LMBR1L: variants seen among roughly 807,000 people sequenced by gnomAD.
LMBR1L encodes the protein limb development membrane protein 1 like, also known as protein LMBR1L.
Under a neutral mutation model 67.3 loss-of-function variants are expected in LMBR1L, and 47 were observed. The observed-to-expected ratio is 0.70, with a 90% confidence interval of 0.55 to 0.89. LMBR1L has a LOEUF of 0.89. LMBR1L is among the 40% of genes least tolerant of loss of function. LMBR1L has a pLI of 0.00. For synonymous variants in LMBR1L, 247 were observed against 250.3 expected, an observed-to-expected ratio of 0.99 and a Z score of 0.13; for missense variants, 533 against 599.2, an observed-to-expected ratio of 0.89 and a Z score of 1.15.
chr12:49,106,377 G>C, intron 2 of LMBR1L: 1 of 373,094 alleles, frequency 2.7e-6, no homozygotes, highest in Non-Finnish European at 5.2e-6. Context: ...CTCTTGGGTA[G>C]CTGCCTTGTT....
At position 49,103,263 on chromosome 12, in the gene LMBR1L, TA is replaced by T. The variant is rs1463821427; in HGVS notation, c.563-105del. 1.4e-5 allele frequency: 13 copies of T among 932,222 alleles called. 1 individual carries two copies. Among genetic ancestry groups the T allele is most frequent in the Middle Eastern group, 2.3e-4 (1 of 4,306 alleles). The allele number at this position is 932,222 out of a possible 1,614,324, so 57.7% of individuals were successfully genotyped here. The stretch of plus-strand genomic sequence containing the variant: ...ACAAGGGCACAGTCCCCACAGGGGT[TA>T]GGCAATTAATACAAATGAAGAAAGC... On this transcript the variant is annotated intron_variant, in intron 6 of 16. Transcript: ENST00000267102.
Position 49,104,481 on chromosome 12 carries a change from G to GAAGAAAT in LMBR1L, c.395_401dup (p.Phe134LeufsTer5). ...AGCCAGCAAAGCCCTCAGACTCAGT[G>GAAGAAAT]AAGAAATATGCAAAGGGCATGAGGA... On this transcript the variant is annotated frameshift_variant, in exon 5 of 17. Coordinates refer to ENST00000267102, the MANE Select transcript of LMBR1L (RefSeq NM_018113.4). LOFTEE classifies it high-confidence loss of function. 1 of 1,613,956 alleles carries GAAGAAAT rather than the reference G, an allele frequency of 6.2e-7. No homozygotes were observed. Among genetic ancestry groups the GAAGAAAT allele is most frequent in the Non-Finnish European group, 8.5e-7 (1 of 1,179,834 alleles).
chr12:49,100,266 G>T, intron 15 of LMBR1L, 122 bp downstream of exon 15: 1 of 806,752 alleles, frequency 1.2e-6, no homozygotes, highest in Non-Finnish European at 2.2e-6. Flanking sequence ...GTATAATGCG[G>T]ATAATACCTA....
intron 3 of LMBR1L, among the ~76,000 whole-genome samples, chr12:49,105,406 G>A (rs917162397): frequency 6.6e-6 from 1 of 152,160 alleles, no homozygotes; most frequent in Non-Finnish European, 1.5e-5. Flanking sequence ...TATTGAAGAT[G>A]GGCACTTCTA....
rs368933010 is a variant in LMBR1L at position 49,106,909 on chromosome 12, G to A, written c.157+52C>T. The A allele has an allele frequency of 5.1e-6, 7 of 1,378,758 alleles. No homozygotes were observed. In the African/African-American group the frequency reaches 7.1e-5, roughly 14 times the overall value. 85.4% of individuals were successfully genotyped at this position (1,378,758 alleles called of 1,614,324 possible). A position where few individuals can be genotyped will look rare whatever the true frequency, so the allele number is the denominator to read the frequency against. ...GGGTACCATAGGCCCATTCCCCTGA[G>A]GCTGGTCCATGGCAACAGGGACTCT... is the stretch of plus-strand genomic sequence containing the variant. On this transcript the variant is annotated intron_variant, in intron 2 of 16. Coordinates refer to ENST00000267102, the MANE Select transcript of LMBR1L (RefSeq NM_018113.4).
chr12:49,100,834 C>T (rs1359043103), intron 13 of LMBR1L, 188 bp from the exon 14 acceptor site: 1 of 600,056 alleles, frequency 1.7e-6, no homozygotes, highest in African/African-American at 1.9e-5. Flanking sequence ...CTTAAGCGAT[C>T]TTCCCACGTC....
At chr12:49,103,847 C>T (rs369556323) in intron 5 of LMBR1L, 34 bp from the exon 6 acceptor site, 61 of 1,589,188 alleles carry the variant, frequency 3.8e-5, no homozygotes, top group Non-Finnish European at 4.7e-5. Flanking sequence ...AGAAGGTTAA[C>T]ATCAGGGCAG....
chr12:49,097,979 G>C lies in LMBR1L; in HGVS notation c.1367C>G (p.Thr456Ser). Residue 456 changes from threonine (T) to serine (S), a missense_variant, in exon 16 of 17, where the codon ACT becomes AGT. Coordinates refer to ENST00000267102, the MANE Select transcript of LMBR1L (RefSeq NM_018113.4). ...GATCAGCTCTGCCCGCACAGCTGCA[G>C]TGAAGGTCTTCACCAGACAGAGTGT... ...LTTLCLVKTF[T>S]AAVRAELIRA... The C allele has an allele frequency of 9.3e-6, 15 of 1,614,044 alleles. No homozygotes were observed. Among genetic ancestry groups the C allele is most frequent in the Non-Finnish European group, 1.3e-5 (15 of 1,179,890 alleles).
At chr12:49,105,022 C>A (rs1487954769) in intron 3 of LMBR1L, 137 bp from the exon 4 acceptor site, 7 of 988,608 alleles carry the variant, frequency 7.1e-6, no homozygotes, top group Non-Finnish European at 1.0e-5. Flanking sequence ...AAGGAGCTGT[C>A]CAGCTGGGGT....
chr12:49,100,520 AC>A (rs769611662), intron 14 of LMBR1L, 35 bp downstream of exon 14: 79 of 1,608,590 alleles, frequency 4.9e-5, no homozygotes, highest in Non-Finnish European at 1.4e-5. Flanking sequence ...GCCCATCCAC[AC>A]CCCCCGGGAG....
chr12:49,109,980 C>T, intron 1 of LMBR1L: 1 of 454,622 alleles, frequency 2.2e-6, no homozygotes, highest in South Asian at 1.6e-5. Context: ...CCCAGCAAGA[C>T]TCCTTTCTTC....
At chr12:49,106,838 C>T in intron 2 of LMBR1L, 123 bp downstream of exon 2, 1 of 930,940 alleles carries the variant, frequency 1.1e-6, no homozygotes, top group Non-Finnish European at 1.8e-6. Flanking sequence ...GCTGAAGAGG[C>T]AAAGGCTCCA....
In LMBR1L at chr12:49,100,597, G is replaced by A. The variant is rs201126566; in HGVS notation, c.1132C>T (p.Arg378Trp). 3.8e-5 allele frequency: 61 copies of A among 1,614,162 alleles called. No individual in the cohort carries two copies. Among genetic ancestry groups the A allele is most frequent in the Non-Finnish European group, 4.8e-5 (57 of 1,180,020 alleles). The change falls in exon 14 of 17, where the codon CGG (arginine) becomes TGG (tryptophan). Residue 378 changes from arginine (R) to tryptophan (W), a missense_variant. Physicochemically the swap from Arg to Trp is moderately radical, Grantham distance 101 (BLOSUM62 -3). Around this residue, in one of 3 missense-constraint regions of LMBR1L, gnomAD observed 223 missense variants for 241.2 expected, o/e 0.92. Coordinates refer to ENST00000267102, the MANE Select transcript of LMBR1L (RefSeq NM_018113.4). ...TCGTGCCATCTGGGCCGCAGGCTCC[G>A]GAAGAGTGGAGAGCTATAGAAGCCC... ...VVGFYSSPLF[R>W]SLRPRWHDTA...
rs775007736 is a variant in LMBR1L, at chr12:49,107,024, T to G, written c.94A>C (p.Thr32Pro). 2 of 1,613,564 alleles carry G rather than the reference T, an allele frequency of 1.2e-6. No homozygotes were observed. The highest frequency in any genetic ancestry group is 1.7e-6 in the Non-Finnish European group (2 of 1,179,428). The change falls in exon 2 of 17, where the codon ACA becomes CCA. Residue 32 changes from threonine to proline, a missense_variant. By Grantham distance (38) the Thr-to-Pro change is conservative (BLOSUM62 -1). Around this residue, in one of 3 missense-constraint regions of LMBR1L, gnomAD observed 246 missense variants for 249.0 expected, o/e 0.99. Transcript: ENST00000267102. ...AAGATGTGGCAGAGGATGTACAGTG[T>G]TGCAAACAGAAGTGTTGATATCTGT... ...ECIISTLLFA[T>P]LYILCHIFLT...
At position 49,110,765 on chromosome 12, in the gene LMBR1L, C is replaced by G. The variant is rs1941458601; in HGVS notation, c.-210G>C. ...GCACCACCCGCCTCGTTTTAAAGGG[C>G]TCTGTCCTCCCTTTGCTCCCCACTC... On this transcript the variant is annotated 5_prime_UTR_variant, in exon 1 of 17. Transcript: ENST00000267102. 1.7e-6 allele frequency: 1 copy of G among 585,572 alleles called. No individual in the cohort carries two copies. Among genetic ancestry groups the G allele is most frequent in the African/African-American group, 1.9e-5 (1 of 53,588 alleles). The allele number at this position is 585,572 out of a possible 1,614,324, so 36.3% of individuals were successfully genotyped here. A position where few individuals can be genotyped will look rare whatever the true frequency, so the allele number is the denominator to read the frequency against.
chr12:49,109,956 A>C, intron 1 of LMBR1L: 1 of 445,398 alleles, frequency 2.2e-6, no homozygotes, highest in Non-Finnish European at 4.5e-6. Context: ...TCATCTCTAC[A>C]TATTAGGATC....
rs1347842086 is a variant in LMBR1L, at chr12:49,110,758, T to C, written c.-203A>G. ...GGGGCAGGCACCACCCGCCTCGTTTTAAAGGGCTCTGTCCTCCCTTTGCTC... is the reference window on the plus strand; with the variant it reads ...GGGGCAGGCACCACCCGCCTCGTTTCAAAGGGCTCTGTCCTCCCTTTGCTC... On this transcript the variant is annotated 5_prime_UTR_variant, in exon 1 of 17. Coordinates refer to ENST00000267102, the MANE Select transcript of LMBR1L (RefSeq NM_018113.4). 1 of 593,086 alleles carries C rather than the reference T, an allele frequency of 1.7e-6. No homozygotes were observed. The highest frequency in any genetic ancestry group is 1.9e-5 in the African/African-American group (1 of 53,784). 36.7% of individuals were successfully genotyped at this position (593,086 alleles called of 1,614,324 possible).
intron 8 of LMBR1L, 73 bp downstream of exon 8, chr12:49,102,814 T>A: frequency 1.5e-6 from 2 of 1,375,162 alleles, no homozygotes; most frequent in East Asian, 4.6e-5. Flanking sequence ...AACCATAGGG[T>A]TGTTTCATTG....
At chr12:49,103,628 G>A in intron 6 of LMBR1L, 59 bp downstream of exon 6, 3 of 1,554,382 alleles carry the variant, frequency 1.9e-6, no homozygotes, top group Non-Finnish European at 2.6e-6. Context: ...GTCATTCCAG[G>A]CAGGGGGACA....
Sources: allele counts gnomAD v4.1 joint callset (sites outside exome capture counted in the v4.1 genomes callset), GRCh38; gene constraint gnomAD v4.1.1; regional missense constraint gnomAD v4.1.1; transcripts MANE v1.5; gene names NCBI Gene and HGNC (gene_info 2026-07-23, HGNC 2026-07-21).